ZPR1: variants seen among roughly 807,000 people sequenced by gnomAD.
The protein encoded by ZPR1 is zinc finger protein ZPR1.
Under a neutral mutation model 59.6 loss-of-function variants are expected in ZPR1, and 37 were observed. The observed-to-expected ratio is 0.62, with a 90% CI of 0.48 to 0.82. ZPR1 has a LOEUF of 0.82. Ranked by LOEUF, ZPR1 falls within the 40% of genes least tolerant of loss-of-function variation. ZPR1 has a pLI of 0.00. For synonymous variants in ZPR1, 191 were observed against 215.2 expected (o/e 0.89, Z 0.99); for missense variants, 527 against 579.9 (o/e 0.91, Z 0.94).
In ZPR1 at chr11:116,785,797, A is replaced by T. The variant is rs780545872; in HGVS notation, c.581T>A (p.Leu194Gln). The part of the protein sequence containing the change: ...ELKQVASPFT[L>Q]IIDDPSGNSF... ...CAACTCCAGCCTCTCAATACTCACC[A>T]GAGTGAAAGGGGAGGCTACTTGCTT... Residue 194 changes from leucine to glutamine, a missense_variant and splice_region_variant, in exon 5 of 14, where the codon CTG becomes CAG. Physicochemically the swap from Leu to Gln is moderately radical, Grantham distance 113. Coordinates refer to ENST00000227322, the MANE Select transcript of ZPR1 (RefSeq NM_003904.5). The T allele has an allele frequency of 2.2e-5, 35 of 1,613,818 alleles. No homozygotes were observed. Among genetic ancestry groups the T allele is most frequent in the African/African-American group, 4.0e-5 (3 of 74,940 alleles).
chr11:116,774,246 G>A lies in ZPR1; in HGVS notation c.*4679C>T, dbSNP rs1482875022. 1 of 152,062 alleles carries A rather than the reference G, an allele frequency of 6.6e-6. No individual in the cohort carries two copies. The highest frequency in any genetic ancestry group is 1.9e-4 in the East Asian group (1 of 5,188). 9.4% of individuals were successfully genotyped at this position (152,062 alleles called of 1,614,324 possible). A position where few individuals can be genotyped will look rare whatever the true frequency, so the allele number is the denominator to read the frequency against. ...GGTGGGGGGGCACTTAAGCAAATTTGTCTTAGCAAACTTCAAGTAAACAAT... is the reference window on the plus strand; with the variant it reads ...GGTGGGGGGGCACTTAAGCAAATTTATCTTAGCAAACTTCAAGTAAACAAT... On this transcript the variant is annotated 3_prime_UTR_variant, in exon 14 of 14. Coordinates refer to ENST00000227322, the MANE Select transcript of ZPR1 (RefSeq NM_003904.5).
chr11:116,786,525 G>T lies in ZPR1; in HGVS notation c.481C>A (p.Gln161Lys). ...TRAISGLEQD[Q>K]PARRANKDAT... The stretch of plus-strand genomic sequence containing the variant: ...CCCCAGCTTACCCTTCGTGCAGGCT[G>T]GTCCTGCTCCAGGCCAGAGATAGCA... Residue 161 changes from glutamine to lysine, a missense_variant, in exon 4 of 14, where the codon CAG becomes AAG. Transcript: ENST00000227322. The T allele has an allele frequency of 6.2e-7, 1 of 1,614,204 alleles. No individual in the cohort carries two copies. Among genetic ancestry groups the T allele is most frequent in the Non-Finnish European group, 8.5e-7 (1 of 1,180,022 alleles).
chr11:116,785,691 C>A, intron 5 of ZPR1, 55 bp from the exon 6 acceptor site: 1 of 1,613,744 alleles, frequency 6.2e-7, no homozygotes, highest in Non-Finnish European at 8.5e-7. Flanking sequence ...AACAATCCTA[C>A]ATCACCTACT....
Position 116,784,484 on chromosome 11 carries a change from G to A in ZPR1, c.821-36C>T, listed in dbSNP as rs369707494. The A allele has an allele frequency of 5.5e-5, 87 of 1,590,350 alleles. No individual in the cohort carries two copies. The Admixed American group carries it at 7.5e-4, about 14-fold the overall frequency. On this transcript the variant is annotated intron_variant, in intron 8 of 13. Transcript: ENST00000227322. ...GAGTTAAGGAAATCTACTTCCAGGC[G>A]AACAAGACCACCATCTGGGGAAAAA...
intron 13 of ZPR1, 64 bp from the exon 14 acceptor site, chr11:116,779,123 C>T: frequency 6.3e-7 from 1 of 1,585,822 alleles, no homozygotes; most frequent in Non-Finnish European, 8.6e-7. Context: ...AGGCAGCTTC[C>T]AATTCCCACC....
intron 13 of ZPR1, 72 bp from the exon 14 acceptor site, chr11:116,779,131 A>G (rs1940765816): frequency 6.3e-7 from 1 of 1,578,932 alleles, no homozygotes; most frequent in Non-Finnish European, 8.6e-7. Context: ...TCCAATTCCC[A>G]CCTTCCCAAG....
chr11:116,787,440 T>C (rs1187351161), intron 2 of ZPR1, 42 bp downstream of exon 2: 1 of 1,589,786 alleles, frequency 6.3e-7, no homozygotes, highest in Admixed American at 1.7e-5. Flanking sequence ...GTACCGAATC[T>C]CTCTCTAGAA....
At position 116,787,832 on chromosome 11, in the gene ZPR1, GT is replaced by G. The variant is rs1940914587; in HGVS notation, c.158del (p.Asn53ThrfsTer7). On this transcript the variant is annotated frameshift_variant, in exon 1 of 14. Coordinates refer to ENST00000227322, the MANE Select transcript of ZPR1 (RefSeq NM_003904.5). LOFTEE classifies it high-confidence loss of function. ...GCCCCCGCCTCACATTGCAGTAACA[GT>G]TCATGCATAGCGACTCGATCTCGGT... ...QPTEIESLCMNCYCNGMTRLL... is the reference protein window; with the variant it reads ...QPTEIESLCMXCYCNGMTRLL... 2 of 1,557,870 alleles carry G rather than the reference GT, an allele frequency of 1.3e-6. No individual in the cohort carries two copies. The highest frequency in any genetic ancestry group is 2.4e-5 in the South Asian group (2 of 84,986).
rs188521133 is a variant in ZPR1 at position 116,780,049 on chromosome 11, T to C, written c.1180-212A>G. 4.2e-3 allele frequency among the ~76,000 whole-genome samples: 633 copies of C among 150,534 alleles called. 7 individuals carry two copies. Among genetic ancestry groups the C allele is most frequent in the Middle Eastern group, 6.8e-3 (2 of 292 alleles). The stretch of plus-strand genomic sequence containing the variant: ...CCCTAGAACTTAAGTATAATAAATA[T>C]ATATATAAATAAAAAAAGAAATGAA... On this transcript the variant is annotated intron_variant, in intron 12 of 13. Transcript: ENST00000227322.
Position 116,776,617 on chromosome 11 carries a change from C to T in ZPR1, c.*2308G>A, listed in dbSNP as rs780179705. On this transcript the variant is annotated 3_prime_UTR_variant, in exon 14 of 14. Coordinates refer to ENST00000227322, the MANE Select transcript of ZPR1 (RefSeq NM_003904.5). Reference sequence around the variant, plus strand: ...TTAGCTGGGTTATCCCAGTCTGGCACCTGGTCCTCAGTCTTCAAGTTCAGA... The same window carrying T: ...TTAGCTGGGTTATCCCAGTCTGGCATCTGGTCCTCAGTCTTCAAGTTCAGA... The T allele has an allele frequency of 1.3e-5, 2 of 152,238 alleles. No homozygotes were observed. The highest frequency in any genetic ancestry group is 2.4e-5 in the African/African-American group (1 of 41,456). 9.4% of individuals were successfully genotyped at this position (152,238 alleles called of 1,614,324 possible).
At position 116,778,848 on chromosome 11, in the gene ZPR1, C is replaced by T. The variant is rs1408337490; in HGVS notation, c.*77G>A. The T allele has an allele frequency of 1.9e-6, 3 of 1,544,378 alleles. No homozygotes were observed. In the East Asian group the frequency reaches 6.8e-5, roughly 35 times the overall value. On this transcript the variant is annotated 3_prime_UTR_variant, in exon 14 of 14. Transcript: ENST00000227322. Reference sequence around the variant, plus strand: ...GGGCTGGTGGGAAAGACACTCCCAGCCTTCGCCTTCATCCAATACTAATAA... The same window carrying T: ...GGGCTGGTGGGAAAGACACTCCCAGTCTTCGCCTTCATCCAATACTAATAA...
In ZPR1 at chr11:116,782,158, C is replaced by T; in HGVS notation, c.1179G>A (p.Gln393=). 1 of 1,613,804 alleles carries T rather than the reference C, an allele frequency of 6.2e-7. No individual in the cohort carries two copies. The highest frequency in any genetic ancestry group is 8.5e-7 in the Non-Finnish European group (1 of 1,179,738). The change falls in exon 12 of 14, where the codon CAG becomes CAA. Residue 393 remains glutamine (Q), a splice_region_variant and synonymous_variant. Coordinates refer to ENST00000227322, the MANE Select transcript of ZPR1 (RefSeq NM_003904.5). ...RLQEFSQKMD[Q]IIEGNMKAHF... is the part of the protein sequence containing the mutation. ...TACTGACTGGCCAGTGACCTCTTAC[C>T]TGGTCCATCTTCTGGCTAAACTCCT...
At chr11:116,783,751 A>C in intron 9 of ZPR1, 132 bp from the exon 10 acceptor site, 1 of 687,088 alleles carries the variant, frequency 1.5e-6, no homozygotes, top group Non-Finnish European at 2.5e-6. Flanking sequence ...GAGCCTTCTA[A>C]ACAGCAGTCG....
rs1434704189 is a variant in ZPR1 at position 116,786,909 on chromosome 11, G to T, written c.424+60C>A. On this transcript the variant is annotated intron_variant, in intron 3 of 13. Coordinates refer to ENST00000227322, the MANE Select transcript of ZPR1 (RefSeq NM_003904.5). Reference sequence around the variant, plus strand: ...GACCTGGCACCAGGGGGTTTTGCAAGAAAGAGGGTAAGATTCTAGCTACAT... The same window carrying T: ...GACCTGGCACCAGGGGGTTTTGCAATAAAGAGGGTAAGATTCTAGCTACAT... The T allele has an allele frequency of 3.5e-6, 5 of 1,416,750 alleles. No homozygotes were observed. In the African/African-American group the frequency reaches 7.0e-5, roughly 20 times the overall value. 87.8% of individuals were successfully genotyped at this position (1,416,750 alleles called of 1,614,324 possible). A position where few individuals can be genotyped will look rare whatever the true frequency, so the allele number is the denominator to read the frequency against.
intron 10 of ZPR1, 56 bp from the exon 11 acceptor site, chr11:116,783,085 G>A (rs1940833057): frequency 8.1e-6 from 11 of 1,358,224 alleles, no homozygotes; most frequent in Non-Finnish European, 1.2e-5. Flanking sequence ...AAGCCAACCA[G>A]AGGCCTCCTG....
rs779521598 is a variant in ZPR1 at position 116,784,887 on chromosome 11, T to C, written c.788A>G (p.Asn263Ser). 3.1e-6 allele frequency: 5 copies of C among 1,614,072 alleles called. No homozygotes were observed. Among genetic ancestry groups the C allele is most frequent in the African/African-American group, 2.7e-5 (2 of 74,926 alleles). ...LQFSTNCPECNAPAQTNMKLV... is the reference protein window; with the variant it reads ...LQFSTNCPECSAPAQTNMKLV... ...CTTCATGTTGGTCTGAGCGGGGGCA[T>C]TGCATTCTGGGCAGTTTGTGCTGAA... Residue 263 changes from asparagine (N) to serine (S), a missense_variant, in exon 8 of 14, where the codon AAT becomes AGT. Physicochemically the swap from Asn to Ser is conservative, Grantham distance 46 (BLOSUM62 1). Transcript: ENST00000227322.
rs758598133 is a variant in ZPR1, at chr11:116,784,474, A to T, written c.821-26T>A. On this transcript the variant is annotated intron_variant, in intron 8 of 13. Transcript: ENST00000227322. Reference sequence around the variant, plus strand: ...CTGGAAAACGGAGTTAAGGAAATCTACTTCCAGGCGAACAAGACCACCATC... The same window carrying T: ...CTGGAAAACGGAGTTAAGGAAATCTTCTTCCAGGCGAACAAGACCACCATC... 5 of 1,608,976 alleles carry T rather than the reference A, an allele frequency of 3.1e-6. No individual in the cohort carries two copies. In the African/African-American group the frequency reaches 6.7e-5, roughly 21 times the overall value.
intron 12 of ZPR1, among the ~76,000 whole-genome samples, chr11:116,780,478 A>G (rs573571479): frequency 1.4e-5 from 2 of 145,570 alleles, no homozygotes; most frequent in East Asian, 4.4e-4. Context: ...TCTACCTTCA[A>G]CTGGGCCAGC....
In ZPR1 at chr11:116,778,764, GT is replaced by G; in HGVS notation, c.*160del. ...TAGGCTCACACTTGCATCACAAGCT[GT>G]TTAGAAAGTGTGCACAGATCTCTGA... On this transcript the variant is annotated 3_prime_UTR_variant, in exon 14 of 14. Coordinates refer to ENST00000227322, the MANE Select transcript of ZPR1 (RefSeq NM_003904.5). 1 of 896,208 alleles carries G rather than the reference GT, an allele frequency of 1.1e-6. No homozygotes were observed. The highest frequency in any genetic ancestry group is 1.6e-6 in the Non-Finnish European group (1 of 611,260). The allele number at this position is 896,208 out of a possible 1,614,324, so 55.5% of individuals were successfully genotyped here.
Sources: gnomAD v4.1 joint callset for allele counts (sites outside exome capture counted in the v4.1 genomes callset) on GRCh38, gnomAD v4.1.1 for gene constraint, MANE v1.5 for transcripts, NCBI Gene and HGNC (gene_info 2026-07-23, HGNC 2026-07-21) for gene names.